The following MRRF variants were observed in gnomAD, a reference collection of about 807,000 sequenced individuals.
MRRF encodes ribosome-recycling factor, mitochondrial.
Under a neutral mutation model 25.1 loss-of-function variants are expected in MRRF, and 18 were observed. The observed-to-expected ratio is 0.72, with a 90% CI of 0.50 to 1.06. MRRF has a LOEUF of 1.06. Ranked by LOEUF, MRRF falls within the 50% of genes least tolerant of loss-of-function variation. MRRF has a pLI of 0.00. For synonymous variants in MRRF, 113 were observed against 112.1 expected (o/e 1.01, Z -0.05); for missense variants, 323 against 319.3 (o/e 1.01, Z -0.09).
rs755230988 is a variant in MRRF at position 122,265,698 on chromosome 9, C to G, written c.-29+760C>G. On this transcript the variant is annotated intron_variant, in intron 1 of 6. Transcript: ENST00000344641. ...AGGAGAAATCACTTGGTACAAGTCA[C>G]AAGTCAGTGGTAGAGCTGCCGCAAA... 2.1e-5 allele frequency: 26 copies of G among 1,219,874 alleles called. 1 individual carries two copies. The South Asian group carries it at 2.3e-4, about 11-fold the overall frequency. 75.6% of individuals were successfully genotyped at this position (1,219,874 alleles called of 1,614,324 possible). A position where few individuals can be genotyped will look rare whatever the true frequency, so the allele number is the denominator to read the frequency against.
intron 2 of MRRF, among the ~76,000 whole-genome samples, chr9:122,273,440 C>CAAAAA (rs566027952): frequency 1.4e-5 from 1 of 70,168 alleles, no homozygotes; most frequent in Non-Finnish European, 3.0e-5. Context: ...GACCCTGTCT[C>CAAAAA]AAAAAAAAAA....
intron 3 of MRRF, 67 bp downstream of exon 3, chr9:122,280,665 G>GT (rs1833049919): frequency 6.6e-7 from 1 of 1,518,304 alleles, no homozygotes; most frequent in African/African-American, 1.4e-5. Context: ...GCAGAGTTGA[G>GT]TTTTAGTCCC....
At chr9:122,282,433 C>T (rs1833140644) in intron 3 of MRRF, among the ~76,000 whole-genome samples, 1 of 152,204 alleles carries the variant, frequency 6.6e-6, no homozygotes, top group African/African-American at 2.4e-5. Flanking sequence ...TCCCCACCTT[C>T]CAGAAGCCTA....
At chr9:122,321,462 C>T (rs964278926) in intron 6 of MRRF, among the ~76,000 whole-genome samples, 1 of 152,124 alleles carries the variant, frequency 6.6e-6, no homozygotes, top group South Asian at 2.1e-4. Flanking sequence ...TAAATATCTT[C>T]GTGTATAGAA....
chr9:122,295,240 T>C (rs1272354956), intron 5 of MRRF, among the ~76,000 whole-genome samples: 1 of 152,188 alleles, frequency 6.6e-6, no homozygotes, highest in Non-Finnish European at 1.5e-5. Flanking sequence ...CTAGCAAATA[T>C]GCTATTTCCA....
intron 4 of MRRF, among the ~76,000 whole-genome samples, chr9:122,288,253 TAAAA>T (rs67916548): frequency 0.11 from 16,381 of 151,926 alleles, 1,018 homozygotes; most frequent in East Asian, 0.24. Flanking sequence ...AAAATAAAAA[TAAAA>T]AACCACGCAC....
At chr9:122,278,028 T>A (rs1235703009) in intron 2 of MRRF, among the ~76,000 whole-genome samples, 2 of 152,118 alleles carry the variant, frequency 1.3e-5, no homozygotes, top group Non-Finnish European at 2.9e-5. Flanking sequence ...TCTCAAGCTT[T>A]TATCATTTTT....
chr9:122,316,949 T>C (rs966528143), intron 6 of MRRF, among the ~76,000 whole-genome samples: 1 of 151,770 alleles, frequency 6.6e-6, no homozygotes. Context: ...CTTGAAAAAC[T>C]CTTTGTAAAA....
chr9:122,313,400 CA>C lies in MRRF; in HGVS notation c.711+16del, dbSNP rs540980673. On this transcript the variant is annotated intron_variant, in intron 6 of 6. Coordinates refer to ENST00000344641, the MANE Select transcript of MRRF (RefSeq NM_138777.5). ...ATAGAGAAACAGGTACTATTGCCAG[CA>C]ATGTAGTAGTGTCTGTGTATTCAGC... is the stretch of plus-strand genomic sequence containing the variant. 461 of 1,613,038 alleles carry C rather than the reference CA, an allele frequency of 2.9e-4. 3 individuals carry two copies. In the East Asian group the frequency reaches 0.01, roughly 35 times the overall value.
intron 6 of MRRF, among the ~76,000 whole-genome samples, chr9:122,318,831 GT>G (rs1418062032): frequency 6.6e-6 from 1 of 152,168 alleles, no homozygotes; most frequent in Non-Finnish European, 1.5e-5. Flanking sequence ...CTGAGCCTCT[GT>G]TTCTTCATCC....
intron 1 of MRRF, chr9:122,265,644 T>C (rs1832024008): frequency 1.3e-5 from 9 of 677,762 alleles, no homozygotes; most frequent in South Asian, 1.3e-4. Context: ...TCTGACCCCT[T>C]CATTTTATGG....
intron 5 of MRRF, among the ~76,000 whole-genome samples, chr9:122,309,246 C>A (rs1835059969): frequency 1.3e-5 from 2 of 152,136 alleles, no homozygotes; most frequent in South Asian, 4.1e-4. Context: ...ATTCTCATTT[C>A]TTTTTAAGGC....
chr9:122,265,841 A>T, intron 1 of MRRF: 1 of 986,942 alleles, frequency 1.0e-6, no homozygotes, highest in Non-Finnish European at 1.4e-6. Context: ...TCTACCTGTT[A>T]AAGTGTCTCA....
At chr9:122,281,836 G>A (rs558791745) in intron 3 of MRRF, among the ~76,000 whole-genome samples, 15 of 152,282 alleles carry the variant, frequency 9.9e-5, no homozygotes, top group African/African-American at 3.6e-4. Flanking sequence ...TAACCTCTGA[G>A]AAAATGAGGG....
At position 122,326,688 on chromosome 9, in the gene MRRF, C is replaced by T. The variant is rs1836152481; in HGVS notation, c.*4071C>T. 1 of 151,824 alleles carries T rather than the reference C, an allele frequency of 6.6e-6. No individual in the cohort carries two copies. The highest frequency in any genetic ancestry group is 1.5e-5 in the Non-Finnish European group (1 of 67,946). 9.4% of individuals were successfully genotyped at this position (151,824 alleles called of 1,614,324 possible). A position where few individuals can be genotyped will look rare whatever the true frequency, so the allele number is the denominator to read the frequency against. On this transcript the variant is annotated 3_prime_UTR_variant, in exon 7 of 7. Transcript: ENST00000344641. ...AGAAAGGCCCCTATTCTAAGATTAT[C>T]TGATAAGGTCTGCTCTTTCTCCTTC... is the stretch of plus-strand genomic sequence containing the variant.
rs1023461415 is a variant in MRRF, at chr9:122,271,028, C to T, written c.137C>T (p.Ala46Val). The T allele has an allele frequency of 1.7e-5, 28 of 1,614,058 alleles. No individual in the cohort carries two copies. The highest frequency in any genetic ancestry group is 2.4e-5 in the Non-Finnish European group (28 of 1,180,036). Residue 46 changes from alanine to valine, a missense_variant, in exon 2 of 7, where the codon GCC becomes GTC. Coordinates refer to ENST00000344641, the MANE Select transcript of MRRF (RefSeq NM_138777.5). ...CAACATGGCCATAGGCAATACATGG[C>T]CTATTCAGCTGTACCAGTCCGCCAT... Reference protein sequence around the residue: ...ERQHGHRQYMAYSAVPVRHFA... With the variant: ...ERQHGHRQYMVYSAVPVRHFA...
chr9:122,269,766 A>C, intron 1 of MRRF, among the ~76,000 whole-genome samples: 1 of 152,182 alleles, frequency 6.6e-6, no homozygotes, highest in East Asian at 1.9e-4. Flanking sequence ...AGTTTGAAAA[A>C]AAAGGTGATA....
intron 2 of MRRF, among the ~76,000 whole-genome samples, chr9:122,274,533 G>GGGGTGTGT (rs1554817591): frequency 2.1e-5 from 3 of 140,562 alleles, no homozygotes; most frequent in Non-Finnish European, 3.1e-5. Flanking sequence ...ATATGAATCT[G>GGGGTGTGT]GTGTGTGTGT....
chr9:122,312,803 C>T (rs906621285), intron 5 of MRRF, among the ~76,000 whole-genome samples: 16 of 152,190 alleles, frequency 1.1e-4, no homozygotes, highest in African/African-American at 3.4e-4. Context: ...TATCAGTGCT[C>T]CAGCCAATTC....
Sources: allele counts gnomAD v4.1 joint callset (sites outside exome capture counted in the v4.1 genomes callset), GRCh38; gene constraint gnomAD v4.1.1; transcripts MANE v1.5; gene names NCBI Gene and HGNC (gene_info 2026-07-23, HGNC 2026-07-21).